Variants in GPR39 observed in about 807,000 individuals in gnomAD.
The protein encoded by GPR39 is G protein-coupled receptor 39, also known as zinc sensing receptor.
In GPR39, 23 loss-of-function variants were observed where a neutral mutation model predicts 18.4. That is an observed-to-expected ratio of 1.25 (90% CI 0.90 to 1.77). The LOEUF (loss-of-function observed/expected upper bound fraction) is 1.77. GPR39 is among the 40% of genes most tolerant of loss of function. GPR39 has a pLI of 0.00. For synonymous variants in GPR39, 280 were observed against 257.9 expected, an observed-to-expected ratio of 1.09 and a Z score of -0.82; for missense variants, 647 against 602.4, an observed-to-expected ratio of 1.07 and a Z score of -0.78.
rs182331263 is a variant in GPR39 at position 132,507,687 on chromosome 2, C to T, written c.856+89789C>T. Among the ~76,000 whole-genome samples, 116 of 152,266 alleles carry T rather than the reference C, an allele frequency of 7.6e-4. 1 individual carries two copies. Among genetic ancestry groups the T allele is most frequent in the African/African-American group, 2.2e-3 (93 of 41,550 alleles). On this transcript the variant is annotated intron_variant, in intron 1 of 1. Transcript: ENST00000329321. ...CTGCAAGCTCAAGAAGGTCACAGAC[C>T]GCCCATACCTCTGACAAACTGAATT...
chr2:132,569,590 A>G (rs1573673107), intron 1 of GPR39, among the ~76,000 whole-genome samples: 1 of 127,608 alleles, frequency 7.8e-6, no homozygotes, highest in South Asian at 2.9e-4. Flanking sequence ...GTCCAGTGTC[A>G]CCTAGATCCA....
At chr2:132,620,397 T>G (rs1187289812) in intron 1 of GPR39, among the ~76,000 whole-genome samples, 2 of 152,182 alleles carry the variant, frequency 1.3e-5, no homozygotes, top group Non-Finnish European at 2.9e-5. Context: ...AGGGACATTC[T>G]GAGGAGGGGG....
intron 1 of GPR39, among the ~76,000 whole-genome samples, chr2:132,434,546 A>G (rs529084900): frequency 2.8e-4 from 42 of 152,138 alleles, no homozygotes; most frequent in Admixed American, 5.9e-4. Flanking sequence ...CTTGCCCCCA[A>G]ACAGAACATC....
At chr2:132,535,218 T>C (rs1040434917) in intron 1 of GPR39, among the ~76,000 whole-genome samples, 1 of 152,182 alleles carries the variant, frequency 6.6e-6, no homozygotes, top group African/African-American at 2.4e-5. Flanking sequence ...AAATAGCTCT[T>C]ATTATTTTGA....
At chr2:132,512,859 C>A (rs1573639767) in intron 1 of GPR39, among the ~76,000 whole-genome samples, 1 of 152,194 alleles carries the variant, frequency 6.6e-6, no homozygotes, top group East Asian at 1.9e-4. Context: ...CTCTGGATGG[C>A]TGGGAAACTT....
intron 1 of GPR39, among the ~76,000 whole-genome samples, chr2:132,614,761 A>T (rs2104853725): frequency 6.6e-6 from 1 of 150,804 alleles, no homozygotes; most frequent in African/African-American, 2.4e-5. Context: ...CATGTAGGCC[A>T]GGCTGGTCTT....
intron 1 of GPR39, among the ~76,000 whole-genome samples, chr2:132,524,094 C>T (rs1679468682): frequency 6.6e-6 from 1 of 152,200 alleles, no homozygotes; most frequent in African/African-American, 2.4e-5. Flanking sequence ...CTGATGCATG[C>T]TCAAGTTTGA....
At chr2:132,608,232 A>G (rs554007780) in intron 1 of GPR39, among the ~76,000 whole-genome samples, 25 of 152,214 alleles carry the variant, frequency 1.6e-4, no homozygotes, top group Non-Finnish European at 3.1e-4. Context: ...ATAATAAAAC[A>G]CCTGCTCCTT....
chr2:132,476,907 G>A (rs1038389303), intron 1 of GPR39, among the ~76,000 whole-genome samples: 8 of 152,120 alleles, frequency 5.3e-5, no homozygotes, highest in Non-Finnish European at 1.2e-4. Flanking sequence ...GCACTCCTCT[G>A]TGTAGACACT....
intron 1 of GPR39, among the ~76,000 whole-genome samples, chr2:132,554,472 A>G (rs909319483): frequency 2.0e-5 from 3 of 152,196 alleles, no homozygotes; most frequent in Non-Finnish European, 4.4e-5. Context: ...GTTTGTGGTA[A>G]GGAATGAATG....
intron 1 of GPR39, among the ~76,000 whole-genome samples, chr2:132,598,603 TG>T (rs1041893585): frequency 2.6e-5 from 4 of 152,080 alleles, no homozygotes; most frequent in Non-Finnish European, 5.9e-5. Context: ...ACTTCCTAGA[TG>T]TGGCACTGGG....
intron 1 of GPR39, among the ~76,000 whole-genome samples, chr2:132,431,998 G>A (rs1398529931): frequency 1.3e-5 from 2 of 152,274 alleles, no homozygotes; most frequent in South Asian, 2.1e-4. Flanking sequence ...CCAGTTGCTG[G>A]TGACTGCTGG....
chr2:132,447,192 A>G (rs1573606437), intron 1 of GPR39, among the ~76,000 whole-genome samples: 1 of 152,172 alleles, frequency 6.6e-6, no homozygotes, highest in East Asian at 1.9e-4. Flanking sequence ...TTAAATATTT[A>G]CTAACACCTC....
At chr2:132,615,201 C>T (rs1681313897) in intron 1 of GPR39, among the ~76,000 whole-genome samples, 1 of 152,160 alleles carries the variant, frequency 6.6e-6, no homozygotes, top group African/African-American at 2.4e-5. Flanking sequence ...CATGATCTGT[C>T]ATCAGGAGCT....
chr2:132,644,273 T>G (rs1681938905), intron 1 of GPR39, among the ~76,000 whole-genome samples: 1 of 152,224 alleles, frequency 6.6e-6, no homozygotes, highest in East Asian at 1.9e-4. Flanking sequence ...ACATTTGATC[T>G]ACAGAAGGGC....
chr2:132,563,207 A>G (rs990757150), intron 1 of GPR39, among the ~76,000 whole-genome samples: 1 of 152,216 alleles, frequency 6.6e-6, no homozygotes, highest in Non-Finnish European at 1.5e-5. Context: ...ACAGTTTTCA[A>G]ACAGATCAGC....
intron 1 of GPR39, among the ~76,000 whole-genome samples, chr2:132,603,931 T>C (rs370479638): frequency 2.0e-5 from 3 of 151,810 alleles, no homozygotes; most frequent in African/African-American, 7.3e-5. Context: ...GTGTGGGGAG[T>C]GGGAGGGACA....
Position 132,641,988 on chromosome 2 carries a change from G to A in GPR39, c.857-3113G>A, listed in dbSNP as rs898936047. Among the ~76,000 whole-genome samples the A allele has an allele frequency of 3.9e-5, 6 of 152,212 alleles. No homozygotes were observed. The South Asian group carries it at 1.2e-3, about 32-fold the overall frequency. On this transcript the variant is annotated intron_variant, in intron 1 of 1. Transcript: ENST00000329321. ...TGGGCAACTAACTTTCTCTGAGCCTGCACTTCCTCATTTGTTAAATTAAGA... is the reference window on the plus strand; with the variant it reads ...TGGGCAACTAACTTTCTCTGAGCCTACACTTCCTCATTTGTTAAATTAAGA...
chr2:132,429,735 C>T (rs1573597816), intron 1 of GPR39, among the ~76,000 whole-genome samples: 1 of 152,336 alleles, frequency 6.6e-6, no homozygotes, highest in African/African-American at 2.4e-5. Flanking sequence ...TACATTGGTG[C>T]ATTCTGATGG....
Sources: allele counts gnomAD v4.1 joint callset (sites outside exome capture counted in the v4.1 genomes callset), GRCh38; gene constraint gnomAD v4.1.1; transcripts MANE v1.5; gene names NCBI Gene and HGNC (gene_info 2026-07-23, HGNC 2026-07-21).